FIZ1: variants seen among roughly 807,000 people sequenced by gnomAD.
FIZ1 encodes FLT3 interacting zinc finger 1.
In FIZ1, 2 loss-of-function variants were observed where a neutral mutation model predicts 5.3. That is an observed-to-expected ratio of 0.37 (90% CI 0.15 to 1.18). FIZ1 has a LOEUF of 1.18. Ranked by LOEUF, FIZ1 falls within the 50% of genes most tolerant of loss-of-function variation. The pLI is 0.37. For missense variants in FIZ1, 631 were observed against 749.7 expected, an observed-to-expected ratio of 0.84 and a Z score of 1.85; for synonymous variants, 407 against 364.2, an observed-to-expected ratio of 1.12 and a Z score of -1.34.
At chr19:55,599,033 C>G (rs565484814) in intron 1 of FIZ1, 1 of 152,894 alleles carries the variant, frequency 6.5e-6, no homozygotes, top group East Asian at 1.9e-4. Flanking sequence ...CAATCCAGGG[C>G]CTACCCACCA....
At position 55,592,834 on chromosome 19, in the gene FIZ1, C is replaced by A; in HGVS notation, c.1107G>T (p.Ala369=). Reference sequence around the variant, plus strand: ...GCCGGTGCTCCTCCAAGGCGGCCAGCGCCGCGTACAGAGCCCCGCAGTGGC... The same window carrying A: ...GCCGGTGCTCCTCCAAGGCGGCCAGAGCCGCGTACAGAGCCCCGCAGTGGC... ...GCGHCGALYA[A]LAALEEHRRV... The change falls in exon 3 of 3, where the codon GCG becomes GCT. Residue 369 remains alanine (A), a synonymous_variant. Transcript: ENST00000221665. This position sits in a 1 kb window ranked among gnomAD's most constrained non-coding sequence, Gnocchi z 6.9. 1 of 1,566,350 alleles carries A rather than the reference C, an allele frequency of 6.4e-7. No individual in the cohort carries two copies. Among genetic ancestry groups the A allele is most frequent in the Non-Finnish European group, 8.6e-7 (1 of 1,161,608 alleles).
rs1404306304 is a variant in FIZ1 at position 55,593,245 on chromosome 19, G to C, written c.696C>G (p.Arg232=). The C allele has an allele frequency of 7.9e-7, 1 of 1,264,980 alleles. No homozygotes were observed. The highest frequency in any genetic ancestry group is 4.1e-5 in the East Asian group (1 of 24,380). 78.4% of individuals were successfully genotyped at this position (1,264,980 alleles called of 1,614,324 possible). ...HTDVKPFKCP[R]CERDFNAPAL... ...CGGGCGCGTTGAAGTCGCGCTCGCA[G>C]CGCGGGCACTTGAAGGGCTTCACGT... The change falls in exon 3 of 3, where the codon CGC becomes CGG. Residue 232 remains arginine, a synonymous_variant. Coordinates refer to ENST00000221665, the MANE Select transcript of FIZ1 (RefSeq NM_032836.3). This position sits in a 1 kb window ranked among gnomAD's most constrained non-coding sequence, Gnocchi z 6.3.
Position 55,597,656 on chromosome 19 carries a change from C to T in FIZ1, c.210G>A (p.Leu70=). 1.2e-6 allele frequency: 2 copies of T among 1,613,940 alleles called. No individual in the cohort carries two copies. The highest frequency in any genetic ancestry group is 1.3e-5 in the African/African-American group (1 of 75,040). ...FKHSFNLANH[L]RSHTGERPYR... is the part of the protein sequence containing the mutation. ...AGGGCCGCTCCCCGGTGTGCGAGCG[C>T]AGGTGGTTGGCTAGGTTGAAGCTGT... Residue 70 remains leucine (L), a synonymous_variant, in exon 2 of 3, where the codon CTG becomes CTA. Transcript: ENST00000221665.
In FIZ1 at chr19:55,593,406, C is replaced by A; in HGVS notation, c.535G>T (p.Ala179Ser). 4.1e-6 allele frequency: 6 copies of A among 1,467,724 alleles called. No individual in the cohort carries two copies. The highest frequency in any genetic ancestry group is 5.4e-6 in the Non-Finnish European group (6 of 1,117,680). The allele number at this position is 1,467,724 out of a possible 1,614,324, so 90.9% of individuals were successfully genotyped here. A position where few individuals can be genotyped will look rare whatever the true frequency, so the allele number is the denominator to read the frequency against. The stretch of plus-strand genomic sequence containing the variant: ...GCCAGCCCCCAGCTGCCCAGACCCG[C>A]GCCTGCCCCCTCGGGGCCCTCTCCG... The part of the protein sequence containing the change: ...GGGEGPEGAG[A>S]GLGSWGLAEA... The change falls in exon 3 of 3, where the codon GCG becomes TCG. Residue 179 changes from alanine (A) to serine (S), a missense_variant. Physicochemically the swap from Ala to Ser is moderately conservative, Grantham distance 99 (BLOSUM62 1). This residue lies in a region of FIZ1 where 463 missense variants were observed against 455.1 expected (regional missense o/e 1.02). Transcript: ENST00000221665. This position sits in a 1 kb window ranked among gnomAD's most constrained non-coding sequence, Gnocchi z 6.3.
In FIZ1 at chr19:55,592,860, C is replaced by T. The variant is rs1368647760; in HGVS notation, c.1081G>A (p.Gly361Ser). 3 of 1,544,152 alleles carry T rather than the reference C, an allele frequency of 1.9e-6. No homozygotes were observed. Among genetic ancestry groups the T allele is most frequent in the Non-Finnish European group, 2.6e-6 (3 of 1,150,944 alleles). Residue 361 changes from glycine to serine, a missense_variant, in exon 3 of 3, where the codon GGC (glycine) becomes AGC (serine). Coordinates refer to ENST00000221665, the MANE Select transcript of FIZ1 (RefSeq NM_032836.3). This position sits in a 1 kb window ranked among gnomAD's most constrained non-coding sequence, Gnocchi z 6.9. ...GCCGCGTACAGAGCCCCGCAGTGGC[C>T]GCAGCCGTAGGTGGCCGGGCCCGAG... ...AHSGPATYGC[G>S]HCGALYAALA...
At chr19:55,598,051 CCTA>C in intron 1 of FIZ1, 150 bp from the exon 2 acceptor site, 3 of 948,262 alleles carry the variant, frequency 3.2e-6, no homozygotes, top group Non-Finnish European at 4.6e-6. Flanking sequence ...TTAAAATCCT[CCTA>C]CTCTCTTAGA....
rs149845774 is a variant in FIZ1, at chr19:55,596,094, C to T, written c.294+1478G>A. ...AATGGTTCAGTTGAATCACAACCTA[C>T]TGGTGGGTGGGGGTGAGGCCCCTCA... On this transcript the variant is annotated intron_variant, in intron 2 of 2. Transcript: ENST00000221665. Among the ~76,000 whole-genome samples the T allele has an allele frequency of 1.5e-4, 23 of 152,264 alleles. No homozygotes were observed. The South Asian group carries it at 2.7e-3, about 18-fold the overall frequency.
At chr19:55,599,249 C>T (rs927112828) in intron 1 of FIZ1, 1 of 153,026 alleles carries the variant, frequency 6.5e-6, no homozygotes, top group East Asian at 1.9e-4. Context: ...GCGGGCCCCC[C>T]CACTTGCCCA....
Position 55,593,729 on chromosome 19 carries a change from G to A in FIZ1, c.295-83C>T. 1 of 1,278,842 alleles carries A rather than the reference G, an allele frequency of 7.8e-7. No homozygotes were observed. Among genetic ancestry groups the A allele is most frequent in the South Asian group, 1.3e-5 (1 of 76,718 alleles). 79.2% of individuals were successfully genotyped at this position (1,278,842 alleles called of 1,614,324 possible). The stretch of plus-strand genomic sequence containing the variant: ...GATTCCTGGACTCCCAGAGGGTTGT[G>A]GCACAAGCTCTCTGTCACACCTACA... On this transcript the variant is annotated intron_variant, in intron 2 of 2. Coordinates refer to ENST00000221665, the MANE Select transcript of FIZ1 (RefSeq NM_032836.3). This position sits in a 1 kb window ranked among gnomAD's most constrained non-coding sequence, Gnocchi z 6.3.
chr19:55,593,862 G>T lies in FIZ1; in HGVS notation c.295-216C>A, dbSNP rs1599986530. Among the ~76,000 whole-genome samples, 1 of 152,150 alleles carries T rather than the reference G, an allele frequency of 6.6e-6. No individual in the cohort carries two copies. The highest frequency in any genetic ancestry group is 2.4e-5 in the African/African-American group (1 of 41,438). ...GTCCTGGCTGGCCATGGTGGCTCAC[G>T]CCTGTAATCCCAGCACTCTGGGATT... On this transcript the variant is annotated intron_variant, in intron 2 of 2. Transcript: ENST00000221665. This position sits in a 1 kb window ranked among gnomAD's most constrained non-coding sequence, Gnocchi z 6.3.
chr19:55,592,364 G>A lies in FIZ1; in HGVS notation c.*86C>T. 32 of 1,284,746 alleles carry A rather than the reference G, an allele frequency of 2.5e-5. No individual in the cohort carries two copies. The highest frequency in any genetic ancestry group is 3.2e-5 in the Non-Finnish European group (31 of 956,764). The allele number at this position is 1,284,746 out of a possible 1,614,324, so 79.6% of individuals were successfully genotyped here. On this transcript the variant is annotated 3_prime_UTR_variant, in exon 3 of 3. Transcript: ENST00000221665. The surrounding 1 kb of genome is among the most constrained non-coding windows in gnomAD (Gnocchi z 6.9). Reference sequence around the variant, plus strand: ...CGTCTGGATTTGGATTTGGAGGGCCGGGGCCTCACGCGCAGTCCCGAGGTC... The same window carrying A: ...CGTCTGGATTTGGATTTGGAGGGCCAGGGCCTCACGCGCAGTCCCGAGGTC...
In FIZ1 at chr19:55,597,781, C is replaced by T; in HGVS notation, c.85G>A (p.Gly29Ser). The T allele has an allele frequency of 6.2e-7, 1 of 1,613,820 alleles. No individual in the cohort carries two copies. Among genetic ancestry groups the T allele is most frequent in the Non-Finnish European group, 8.5e-7 (1 of 1,179,928 alleles). ...PRVPFHCSEC[G>S]KSFRYRSDLR... Reference sequence around the variant, plus strand: ...TCTGAGCGGTAGCGGAAGCTCTTGCCACATTCACTGCAGTGAAACGGGACC... The same window carrying T: ...TCTGAGCGGTAGCGGAAGCTCTTGCTACATTCACTGCAGTGAAACGGGACC... Residue 29 changes from glycine to serine, a missense_variant, in exon 2 of 3, where the codon GGC (glycine) becomes AGC (serine). Transcript: ENST00000221665.
intron 2 of FIZ1, among the ~76,000 whole-genome samples, 199 bp downstream of exon 2, chr19:55,597,373 G>A (rs1343246319): frequency 6.6e-6 from 1 of 152,244 alleles, no homozygotes; most frequent in Non-Finnish European, 1.5e-5. Flanking sequence ...TTCGTGGGTT[G>A]CTGGTGACTG....
rs1240488825 is a variant in FIZ1, at chr19:55,592,892, T to C, written c.1049A>G (p.Glu350Gly). ...ASAAALASHL[E>G]AHSGPATYGC... ...GTAGGTGGCCGGGCCCGAGTGGGCCTCCAGGTGACTGGCCAGGGCCGCGGC... is the reference window on the plus strand; with the variant it reads ...GTAGGTGGCCGGGCCCGAGTGGGCCCCCAGGTGACTGGCCAGGGCCGCGGC... The change falls in exon 3 of 3, where the codon GAG becomes GGG. Residue 350 changes from glutamate to glycine, a missense_variant. Glu to Gly is a moderately conservative substitution (Grantham distance 98). Coordinates refer to ENST00000221665, the MANE Select transcript of FIZ1 (RefSeq NM_032836.3). This position sits in a 1 kb window ranked among gnomAD's most constrained non-coding sequence, Gnocchi z 6.9. 1 of 1,538,452 alleles carries C rather than the reference T, an allele frequency of 6.5e-7. No individual in the cohort carries two copies.
chr19:55,599,347 G>C (rs1355011148), intron 1 of FIZ1, 127 bp downstream of exon 1: 2 of 152,508 alleles, frequency 1.3e-5, no homozygotes, highest in Non-Finnish European at 2.9e-5. Flanking sequence ...GCCCGGTTGG[G>C]GGGCAGGTCG....
In FIZ1 at chr19:55,594,463, C is replaced by T. The variant is rs376534285; in HGVS notation, c.295-817G>A. Reference sequence around the variant, plus strand: ...CTGTAATCCTAGCACTTTGGGAGGCCGAGGCGGGCGGATCATGAGGTCAGG... The same window carrying T: ...CTGTAATCCTAGCACTTTGGGAGGCTGAGGCGGGCGGATCATGAGGTCAGG... On this transcript the variant is annotated intron_variant, in intron 2 of 2. Coordinates refer to ENST00000221665, the MANE Select transcript of FIZ1 (RefSeq NM_032836.3). Among the ~76,000 whole-genome samples, 50 of 149,266 alleles carry T rather than the reference C, an allele frequency of 3.3e-4. 1 individual carries two copies. In the South Asian group the frequency reaches 8.2e-3, roughly 25 times the overall value.
In FIZ1 at chr19:55,593,335, G is replaced by A. The variant is rs753719897; in HGVS notation, c.606C>T (p.Cys202=). The A allele has an allele frequency of 1.2e-4, 158 of 1,306,790 alleles. No homozygotes were observed. The highest frequency in any genetic ancestry group is 2.6e-4 in the Admixed American group (6 of 23,294). 80.9% of individuals were successfully genotyped at this position (1,306,790 alleles called of 1,614,324 possible). A position where few individuals can be genotyped will look rare whatever the true frequency, so the allele number is the denominator to read the frequency against. The change falls in exon 3 of 3, where the codon TGC becomes TGT. Residue 202 remains cysteine, a synonymous_variant. Coordinates refer to ENST00000221665, the MANE Select transcript of FIZ1 (RefSeq NM_032836.3). The surrounding 1 kb of genome is among the most constrained non-coding windows in gnomAD (Gnocchi z 6.3). ...AAAASLPPFA[C]GACARRFDHG... ...GGTCGAAGCGCCGCGCGCAGGCGCC[G>A]CACGCAAATGGGGGCAAGGAGGCCG...
In FIZ1 at chr19:55,593,449, C is replaced by A. The variant is rs913280432; in HGVS notation, c.492G>T (p.Gly164=). ...CCNVGPCSVC[G]GSGAGGGEGP... is the part of the protein sequence containing the mutation. ...CCTCTCCGCCGCCGGCCCCTGAGCC[C>A]CCGCACACCGAGCAGGGCCCCACAT... Residue 164 remains glycine, a synonymous_variant, in exon 3 of 3, where the codon GGG becomes GGT. Coordinates refer to ENST00000221665, the MANE Select transcript of FIZ1 (RefSeq NM_032836.3). This position sits in a 1 kb window ranked among gnomAD's most constrained non-coding sequence, Gnocchi z 6.3. The A allele has an allele frequency of 1.3e-6, 2 of 1,543,910 alleles. No homozygotes were observed. The highest frequency in any genetic ancestry group is 1.4e-5 in the African/African-American group (1 of 72,762).
chr19:55,597,462 G>A lies in FIZ1; in HGVS notation c.294+110C>T, dbSNP rs964232012. 5.5e-6 allele frequency: 8 copies of A among 1,443,804 alleles called. No homozygotes were observed. In the African/African-American group the frequency reaches 1.0e-4, roughly 18 times the overall value. The allele number at this position is 1,443,804 out of a possible 1,614,324, so 89.4% of individuals were successfully genotyped here. ...GGACATTTTCTAATGGGAGGAGGCG[G>A]GCGCCTAGGCCTTGGGCCAGCTTCC... On this transcript the variant is annotated intron_variant, in intron 2 of 2. Transcript: ENST00000221665.
Sources: allele counts gnomAD v4.1 joint callset (sites outside exome capture counted in the v4.1 genomes callset), GRCh38; gene constraint gnomAD v4.1.1; regional missense constraint gnomAD v4.1.1; non-coding constraint Gnocchi (gnomAD v3.1); transcripts MANE v1.5; gene names NCBI Gene and HGNC (gene_info 2026-07-23, HGNC 2026-07-21).